DNAH2: variants seen among roughly 807,000 people sequenced by gnomAD.
DNAH2 encodes the protein dynein axonemal heavy chain 2.
DNAH2 carries 323 observed loss-of-function variants against 523.5 expected under a neutral mutation model. That is an observed-to-expected ratio of 0.62 (90% CI 0.56 to 0.68). DNAH2 has a LOEUF of 0.68. DNAH2 is among the 30% of genes least tolerant of loss of function. The pLI, the probability that DNAH2 is intolerant of heterozygous loss-of-function variation, is 0.00. For synonymous variants in DNAH2, 2,093 were observed against 2,177.4 expected (o/e 0.96, Z 1.08); for missense variants, 4,907 against 5,701.5 (o/e 0.86, Z 4.49).
intron 12 of DNAH2, among the ~76,000 whole-genome samples, chr17:7,752,537 T>C (rs756695707): frequency 7.2e-5 from 11 of 151,930 alleles, no homozygotes; most frequent in Middle Eastern, 3.2e-3. Flanking sequence ...GGTGAAACCC[T>C]GTCTCTACTA....
In DNAH2 at chr17:7,778,105, C is replaced by T. The variant is rs762284750; in HGVS notation, c.5276C>T (p.Thr1759Ile). The change falls in exon 34 of 86, where the codon ACC (threonine) becomes ATC (isoleucine). Residue 1759 changes from threonine (T) to isoleucine (I), a missense_variant. Transcript: ENST00000572933. ...CTTGATGACTGTGTCATCCGCCAGA[C>T]CAACACGCAATTTCAGTATAATTAT... is the stretch of plus-strand genomic sequence containing the variant. ...KDLDDCVIRQ[T>I]NTQFQYNYEY... 6 of 1,614,198 alleles carry T rather than the reference C, an allele frequency of 3.7e-6. No individual in the cohort carries two copies. In the South Asian group the frequency reaches 6.6e-5, roughly 18 times the overall value.
At chr17:7,735,197 C>G (rs2075105676) in intron 7 of DNAH2, among the ~76,000 whole-genome samples, 1 of 152,012 alleles carries the variant, frequency 6.6e-6, no homozygotes, top group Admixed American at 6.5e-5. Flanking sequence ...GTGGTGCGAT[C>G]TCAGCTCACT....
chr17:7,795,031 CT>C (rs201316316), intron 49 of DNAH2, among the ~76,000 whole-genome samples: 6 of 151,316 alleles, frequency 4.0e-5, no homozygotes, highest in East Asian at 1.9e-4. Context: ...CTTGGCCTCA[CT>C]TTTTTTTTTC....
Position 7,805,358 on chromosome 17 carries a change from A to G in DNAH2, c.9407A>G (p.Asn3136Ser). 2 of 1,614,258 alleles carry G rather than the reference A, an allele frequency of 1.2e-6. No homozygotes were observed. Among genetic ancestry groups the G allele is most frequent in the South Asian group, 1.1e-5 (1 of 91,088 alleles). The change falls in exon 61 of 86, where the codon AAC becomes AGC. Residue 3136 changes from asparagine to serine, a missense_variant. This residue lies in a region of DNAH2 where 1,851 missense variants were observed against 2,139.4 expected (regional missense o/e 0.87). Coordinates refer to ENST00000572933, the MANE Select transcript of DNAH2 (RefSeq NM_020877.5). Reference protein sequence around the residue: ...VMQAVMILRGNEPTWAEAKRQ... With the variant: ...VMQAVMILRGSEPTWAEAKRQ... Reference sequence around the variant, plus strand: ...CAGGCAGTTATGATTCTTCGAGGCAACGAGCCCACATGGGCAGAGGCCAAG... The same window carrying G: ...CAGGCAGTTATGATTCTTCGAGGCAGCGAGCCCACATGGGCAGAGGCCAAG...
intron 35 of DNAH2, 125 bp downstream of exon 35, chr17:7,778,594 A>ATTTATTTG: frequency 4.9e-6 from 4 of 815,440 alleles, no homozygotes; most frequent in Non-Finnish European, 7.0e-6. Context: ...TGTAATTCTT[A>ATTTATTTG]TTTATTTATT....
At chr17:7,825,929 GTGGCTCAGGCCGGGTGTGA>G (rs2151340230) in intron 77 of DNAH2, among the ~76,000 whole-genome samples, 1 of 152,328 alleles carries the variant, frequency 6.6e-6, no homozygotes, top group Non-Finnish European at 1.5e-5. Flanking sequence ...GCCAGGCATG[GTGGCTCAGGCCGGGTGTGA>G]TGGCTCACAC....
chr17:7,759,412 A>G lies in DNAH2; in HGVS notation c.2449-10A>G, dbSNP rs747955954. 6 of 1,603,358 alleles carry G rather than the reference A, an allele frequency of 3.7e-6. No homozygotes were observed. The South Asian group carries it at 6.6e-5, about 18-fold the overall frequency. On this transcript the variant is annotated splice_polypyrimidine_tract_variant and intron_variant, in intron 15 of 85. Transcript: ENST00000572933. ...GAAAAGTTCTCTTTTTCCTCCCTCC[A>G]TCCCATCAGATTCAGCAGCAGTGGA...
Position 7,830,690 on chromosome 17 carries a change from T to C in DNAH2, c.12078T>C (p.Asp4026=), listed in dbSNP as rs770268773. 1 of 1,614,196 alleles carries C rather than the reference T, an allele frequency of 6.2e-7. No individual in the cohort carries two copies. Among genetic ancestry groups the C allele is most frequent in the South Asian group, 1.1e-5 (1 of 91,088 alleles). Residue 4026 remains aspartate, a synonymous_variant, in exon 79 of 86, where the codon GAT becomes GAC. Transcript: ENST00000572933. ...VSENLLSLYL[D]EYEETPWDAL... ...AAAACTTGCTGAGCCTCTATCTCGA[T>C]GAGTACGAGGAGACACCTTGGGACG...
Position 7,727,151 on chromosome 17 carries a change from G to A in DNAH2, c.258G>A (p.Leu86=). Residue 86 remains leucine, a synonymous_variant, in exon 4 of 86, where the codon CTG becomes CTA. Coordinates refer to ENST00000572933, the MANE Select transcript of DNAH2 (RefSeq NM_020877.5). ...CCCTCTTCCTTTCCCGAGCTGCGCT[G>A]ACAGGACTGGCGGATGCAGTGTGGA... ...VKPLFLSRAA[L]TGLADAVWTQ... 5.0e-6 allele frequency: 8 copies of A among 1,590,064 alleles called. No homozygotes were observed. The highest frequency in any genetic ancestry group is 5.1e-6 in the Non-Finnish European group (6 of 1,171,796).
At position 7,766,416 on chromosome 17, in the gene DNAH2, C is replaced by T. The variant is rs369515022; in HGVS notation, c.3610C>T (p.Arg1204Ter). 11 of 1,613,824 alleles carry T rather than the reference C, an allele frequency of 6.8e-6. No homozygotes were observed. Among genetic ancestry groups the T allele is most frequent in the South Asian group, 3.3e-5 (3 of 91,082 alleles). ...MAMREEENSL[R>*]ANLGIFKIEQ... ...CATGCGGGAAGAGGAAAATAGTCTC[C>T]GAGCCAACCTGGGCATCTTCAAGAT... The change falls in exon 22 of 86, where the codon CGA (arginine) becomes TGA (stop). Residue 1204 changes from arginine to a stop codon, truncating the protein, a stop_gained. Coordinates refer to ENST00000572933, the MANE Select transcript of DNAH2 (RefSeq NM_020877.5). LOFTEE classifies it high-confidence loss of function.
intron 15 of DNAH2, 56 bp from the exon 16 acceptor site, chr17:7,759,366 A>G (rs2075938984): frequency 6.4e-7 from 1 of 1,554,056 alleles, no homozygotes; most frequent in East Asian, 2.3e-5. Context: ...CTCACTTCCC[A>G]GGATGTGCCC....
At position 7,759,877 on chromosome 17, in the gene DNAH2, C is replaced by A; in HGVS notation, c.2724C>A (p.Cys908Ter). ...NHLFSTISVF[C>*]HLPDILTKRK... is the part of the protein sequence containing the mutation. Reference sequence around the variant, plus strand: ...TCTTTTCCACCATCTCTGTCTTCTGCCACCTCCCTGACATTCTCACCAAGC... The same window carrying A: ...TCTTTTCCACCATCTCTGTCTTCTGACACCTCCCTGACATTCTCACCAAGC... The change falls in exon 17 of 86, where the codon TGC becomes TGA. Residue 908 changes from cysteine (C) to a stop codon, truncating the protein, a stop_gained. Coordinates refer to ENST00000572933, the MANE Select transcript of DNAH2 (RefSeq NM_020877.5). LOFTEE classifies it high-confidence loss of function. The A allele has an allele frequency of 6.2e-7, 1 of 1,614,226 alleles. No homozygotes were observed.
At chr17:7,785,094 AT>A (rs33990598) in intron 39 of DNAH2, among the ~76,000 whole-genome samples, 99,113 of 134,828 alleles carry the variant, frequency 0.74, 36,875 homozygotes, top group Non-Finnish European at 0.82. Context: ...AAATTAGAGA[AT>A]TTTTTTTTTT....
Position 7,739,955 on chromosome 17 carries a change from C to A in DNAH2, c.1376+17C>A. 1.9e-6 allele frequency: 3 copies of A among 1,612,130 alleles called. No homozygotes were observed. Among genetic ancestry groups the A allele is most frequent in the Non-Finnish European group, 2.5e-6 (3 of 1,178,814 alleles). On this transcript the variant is annotated intron_variant, in intron 9 of 85. Coordinates refer to ENST00000572933, the MANE Select transcript of DNAH2 (RefSeq NM_020877.5). Reference sequence around the variant, plus strand: ...CTACAATAAGTGAGGGAACCACAGGCTGATGCCAGGCGTGGGCAGGGAAGG... The same window carrying A: ...CTACAATAAGTGAGGGAACCACAGGATGATGCCAGGCGTGGGCAGGGAAGG...
chr17:7,810,009 T>TTCCC (rs1009261764), intron 63 of DNAH2, among the ~76,000 whole-genome samples: 4 of 151,344 alleles, frequency 2.6e-5, no homozygotes, highest in African/African-American at 9.7e-5. Flanking sequence ...CTTTCCTTCC[T>TTCCC]TCCCTCCCTC....
Position 7,792,862 on chromosome 17 carries a change from C to A in DNAH2, c.7344+7C>A. The A allele has an allele frequency of 6.2e-7, 1 of 1,609,068 alleles. No homozygotes were observed. The highest frequency in any genetic ancestry group is 1.1e-5 in the South Asian group (1 of 90,992). On this transcript the variant is annotated splice_region_variant and intron_variant, in intron 47 of 85. Coordinates refer to ENST00000572933, the MANE Select transcript of DNAH2 (RefSeq NM_020877.5). ...TGTCAACATGTCCGCACAGGTGTGT[C>A]GGGGATCCAGGGGCCAGGCTGCCGG...
At chr17:7,724,103 G>A (rs1307852217) in intron 3 of DNAH2, among the ~76,000 whole-genome samples, 1 of 152,142 alleles carries the variant, frequency 6.6e-6, no homozygotes, top group Non-Finnish European at 1.5e-5. Flanking sequence ...GTCACTTTGA[G>A]AAATGGCACT....
intron 31 of DNAH2, 23 bp downstream of exon 31, chr17:7,776,172 G>A: frequency 6.2e-7 from 1 of 1,611,402 alleles, no homozygotes; most frequent in Non-Finnish European, 8.5e-7. Context: ...CAACAGAAGT[G>A]AGGGAACAAG....
Position 7,740,840 on chromosome 17 carries a change from G to A in DNAH2, c.1537G>A (p.Val513Met), listed in dbSNP as rs2075292598. ...AIKRTYDKKA[V>M]DLYMLFNSEL... ...CAAGCGGACTTATGACAAGAAGGCG[G>A]TGGATCTCTACATGCTGTTCAATAG... is the stretch of plus-strand genomic sequence containing the variant. The change falls in exon 11 of 86, where the codon GTG (valine) becomes ATG (methionine). Residue 513 changes from valine (V) to methionine (M), a missense_variant. Transcript: ENST00000572933. 1 of 1,611,054 alleles carries A rather than the reference G, an allele frequency of 6.2e-7. No individual in the cohort carries two copies. Among genetic ancestry groups the A allele is most frequent in the Non-Finnish European group, 8.5e-7 (1 of 1,177,378 alleles).
Sources: gnomAD v4.1 joint callset for allele counts (sites outside exome capture counted in the v4.1 genomes callset) on GRCh38, gnomAD v4.1.1 for gene constraint, gnomAD v4.1.1 regional missense constraint, MANE v1.5 for transcripts, NCBI Gene and HGNC (gene_info 2026-07-23, HGNC 2026-07-21) for gene names.